Variants in TP53BP1 observed in about 807,000 individuals in gnomAD.
The protein encoded by TP53BP1 is TP53-binding protein 1.
Under a neutral mutation model 200.8 loss-of-function variants are expected in TP53BP1, and 61 were observed. The ratio of observed to expected loss-of-function variants is 0.30; its 90% confidence interval spans 0.25 to 0.38. TP53BP1 has a LOEUF of 0.38. Among genes scored for constraint, TP53BP1 ranks in the 10% least tolerant of loss-of-function variants. The pLI is 1.00. For synonymous variants in TP53BP1, 822 were observed against 844.3 expected, an observed-to-expected ratio of 0.97 and a Z score of 0.46; for missense variants, 2,144 against 2,371.9, an observed-to-expected ratio of 0.90 and a Z score of 2.00.
intron 16 of TP53BP1, among the ~76,000 whole-genome samples, chr15:43,436,034 C>T (rs2045789496): frequency 6.6e-6 from 1 of 151,900 alleles, no homozygotes; most frequent in East Asian, 1.9e-4. Flanking sequence ...CTTTGTCGCC[C>T]AGGCTGGAGT....
chr15:43,491,075 A>ATTT (rs1010560667), intron 4 of TP53BP1, among the ~76,000 whole-genome samples: 2 of 143,080 alleles, frequency 1.4e-5, no homozygotes, highest in African/African-American at 5.1e-5. Context: ...ATACTCCTAA[A>ATTT]TTTTTTTTTT....
At chr15:43,491,398 A>C (rs2079120595) in intron 4 of TP53BP1, among the ~76,000 whole-genome samples, 1 of 151,998 alleles carries the variant, frequency 6.6e-6, no homozygotes, top group Non-Finnish European at 1.5e-5. Context: ...ACTTTTTAAT[A>C]ATTTTTTTCT....
chr15:43,418,446 G>A (rs1050480465), intron 21 of TP53BP1, among the ~76,000 whole-genome samples: 14 of 150,622 alleles, frequency 9.3e-5, no homozygotes, highest in African/African-American at 2.5e-4. Flanking sequence ...AGGTTGCAGT[G>A]AGCCAAGATC....
chr15:43,419,536 CTTTTTTTTTTTT>C (rs34159488), intron 21 of TP53BP1, among the ~76,000 whole-genome samples: 13 of 73,404 alleles, frequency 1.8e-4, no homozygotes, highest in South Asian at 5.1e-4. Flanking sequence ...ATTTATGTTC[CTTTTTTTTTTTT>C]TTTTTTTTTT....
Position 43,409,022 on chromosome 15 carries a change from G to C in TP53BP1, c.5475C>G (p.Ala1825=), listed in dbSNP as rs768935265. 4 of 1,614,060 alleles carry C rather than the reference G, an allele frequency of 2.5e-6. No homozygotes were observed. The African/African-American group carries it at 5.3e-5, about 22-fold the overall frequency. ...CATGAGACACACAAGGAATCCCACT[G>C]GCAAGGCACAGGAAGTACTTCCGGG... ...CRTRKYFLCL[A]SGIPCVSHVW... Residue 1825 remains alanine, a synonymous_variant, in exon 26 of 28, where the codon GCC becomes GCG. Coordinates refer to ENST00000382044, the MANE Select transcript of TP53BP1 (RefSeq NM_001141980.3).
intron 1 of TP53BP1, among the ~76,000 whole-genome samples, chr15:43,507,543 G>T (rs572262826): frequency 6.6e-6 from 1 of 152,274 alleles, no homozygotes; most frequent in African/African-American, 2.4e-5. Flanking sequence ...TTACTACCAG[G>T]CTTCTGCCAT....
chr15:43,474,321 G>GA (rs1296621687), intron 10 of TP53BP1, among the ~76,000 whole-genome samples: 1 of 152,190 alleles, frequency 6.6e-6, no homozygotes, highest in African/African-American at 2.4e-5. Context: ...CCAGAAAGGG[G>GA]ATCCCACAGT....
At chr15:43,442,033 A>G (rs2045935159) in intron 14 of TP53BP1, among the ~76,000 whole-genome samples, 1 of 151,730 alleles carries the variant, frequency 6.6e-6, no homozygotes, top group African/African-American at 2.4e-5. Context: ...TTTTGAGACA[A>G]CAGTCTCGCT....
rs149109855 is a variant in TP53BP1, at chr15:43,487,549, T to C, written c.371+4120A>G. On this transcript the variant is annotated intron_variant, in intron 4 of 27. Transcript: ENST00000382044. ...GACTCACACCTATAATCTCAGCACT[T>C]TGGGAGGCTGAGGCAGGCAGATCAC... 1.9e-3 allele frequency among the ~76,000 whole-genome samples: 283 copies of C among 152,114 alleles called. 1 individual carries two copies. Among genetic ancestry groups the C allele is most frequent in the African/African-American group, 6.4e-3 (266 of 41,504 alleles).
At chr15:43,421,456 C>T (rs2045396008) in intron 19 of TP53BP1, among the ~76,000 whole-genome samples, 1 of 152,208 alleles carries the variant, frequency 6.6e-6, no homozygotes, top group Non-Finnish European at 1.5e-5. Flanking sequence ...ATGCCTTCTC[C>T]TCTACTTTAG....
At chr15:43,428,232 T>A (rs2045595007) in intron 17 of TP53BP1, 64 bp from the exon 18 acceptor site, 2 of 1,425,716 alleles carry the variant, frequency 1.4e-6, no homozygotes, top group South Asian at 2.4e-5. Flanking sequence ...TCACAAATCT[T>A]ATGCTTCATG....
chr15:43,487,281 G>T (rs1427035584), intron 4 of TP53BP1, among the ~76,000 whole-genome samples: 2 of 151,910 alleles, frequency 1.3e-5, no homozygotes, highest in Non-Finnish European at 2.9e-5. Flanking sequence ...CTACAGACTT[G>T]TAATGGCTAA....
Position 43,456,514 on chromosome 15 carries a change from C to T in TP53BP1, c.2094G>A (p.Leu698=), listed in dbSNP as rs1802434. 2.7e-3 allele frequency: 4,285 copies of T among 1,594,882 alleles called. 8 individuals carry two copies. The highest frequency in any genetic ancestry group is 3.4e-3 in the Non-Finnish European group (3,946 of 1,171,734). Residue 698 remains leucine, a synonymous_variant, in exon 12 of 28, where the codon CTG becomes CTA. Transcript: ENST00000382044. The part of the protein sequence containing the change: ...NMESVPLHLS[L]TETQSQGLCL... ...ACAACCCTTGGGACTGAGTTTCAGTCAGAGAAAGGTGCAACGGAACACTCT... is the reference window on the plus strand; with the variant it reads ...ACAACCCTTGGGACTGAGTTTCAGTTAGAGAAAGGTGCAACGGAACACTCT...
Position 43,501,963 on chromosome 15 carries a change from A to C in TP53BP1, c.-9+8407T>G, listed in dbSNP as rs185062903. ...TCTTGGGTAGATAACTAGAAGTGGA[A>C]CTGCTGGGTCATAGGATGTGTGCTC... is the stretch of plus-strand genomic sequence containing the variant. On this transcript the variant is annotated intron_variant, in intron 1 of 27. Coordinates refer to the TP53BP1 transcript ENST00000263801. Among the ~76,000 whole-genome samples, 304 of 152,314 alleles carry C rather than the reference A, an allele frequency of 2.0e-3. 2 individuals are homozygous for C. The highest frequency in any genetic ancestry group is 3.1e-3 in the Non-Finnish European group (214 of 68,022).
At position 43,456,039 on chromosome 15, in the gene TP53BP1, G is replaced by A; in HGVS notation, c.2569C>T (p.Gln857Ter). The A allele has an allele frequency of 6.2e-7, 1 of 1,614,156 alleles. No homozygotes were observed. Among genetic ancestry groups the A allele is most frequent in the Non-Finnish European group, 8.5e-7 (1 of 1,180,036 alleles). Residue 857 changes from glutamine (Q) to a stop codon, truncating the protein, a stop_gained, in exon 12 of 28, where the codon CAG (glutamine) becomes TAG (stop). Transcript: ENST00000382044. LOFTEE classifies it high-confidence loss of function. ...CTTGTTTTCTCCTGAGTTTGGGGCT[G>A]CTGCAACTCCTGGTCAAGTCTTAAA... ...DPLRLDQELQQPQTQEKTSNS... is the reference protein window; with the variant it reads ...DPLRLDQELQ
chr15:43,426,586 T>C (rs767559453), intron 18 of TP53BP1, among the ~76,000 whole-genome samples: 6 of 151,638 alleles, frequency 4.0e-5, no homozygotes, highest in Admixed American at 1.3e-4. Flanking sequence ...AGGGCCACAA[T>C]AGCCCACTGA....
At chr15:43,501,611 T>C (rs2079209798) in intron 1 of TP53BP1, among the ~76,000 whole-genome samples, 1 of 152,192 alleles carries the variant, frequency 6.6e-6, no homozygotes, top group Admixed American at 6.6e-5. Context: ...TTATTCATGG[T>C]CCCTTCCAGT....
chr15:43,467,646 C>A (rs1017577928), intron 11 of TP53BP1, among the ~76,000 whole-genome samples: 3 of 152,150 alleles, frequency 2.0e-5, no homozygotes, highest in East Asian at 1.9e-4. Flanking sequence ...TCTCCACCCC[C>A]CCAACCAGCA....
upstream of TP53BP1, among the ~76,000 whole-genome samples, chr15:43,495,532 C>CACACACA (rs1288150243): frequency 2.0e-4 from 29 of 141,928 alleles, no homozygotes; most frequent in East Asian, 5.8e-3. Context: ...CACACACACA[C>CACACACA]AAAAGCCAGG....
Sources: allele counts gnomAD v4.1 joint callset (sites outside exome capture counted in the v4.1 genomes callset), GRCh38; gene constraint gnomAD v4.1.1; transcripts MANE v1.5; gene names NCBI Gene and HGNC (gene_info 2026-07-23, HGNC 2026-07-21).